Variants in CACNA1C observed in about 807,000 individuals in gnomAD.
CACNA1C encodes calcium voltage-gated channel subunit alpha1 C.
A neutral mutation model predicts 229.0 loss-of-function variants in CACNA1C; 30 were observed. The observed-to-expected ratio is 0.13, with a 90% CI of 0.10 to 0.18. The LOEUF (loss-of-function observed/expected upper bound fraction) is 0.18. Among genes scored for constraint, CACNA1C ranks in the 10% least tolerant of loss-of-function variants. The probability of loss-of-function intolerance (pLI) is 1.00; values close to 1 mark genes in which losing one functional copy is unlikely to be tolerated. For missense variants in CACNA1C, 1,658 were observed against 2,845.0 expected (o/e 0.58, Z 9.49); for synonymous variants, 1,114 against 1,132.5 (o/e 0.98, Z 0.33).
intron 3 of CACNA1C, among the ~76,000 whole-genome samples, chr12:2,311,152 C>T (rs2095417249): frequency 6.6e-6 from 1 of 152,160 alleles, no homozygotes; most frequent in African/African-American, 2.4e-5. Context: ...TGGGGGAAGC[C>T]AGTGTCACCT....
At chr12:2,554,145 A>T (rs1181199835) in intron 10 of CACNA1C, among the ~76,000 whole-genome samples, 1 of 152,240 alleles carries the variant, frequency 6.6e-6, no homozygotes, top group Non-Finnish European at 1.5e-5. Context: ...AGAAGTTCAA[A>T]TATGTCTCAA....
Position 2,666,825 on chromosome 12 carries a change from G to A in CACNA1C, c.4623+43G>A. 8.5e-7 allele frequency: 1 copy of A among 1,171,356 alleles called. No individual in the cohort carries two copies. Among genetic ancestry groups the A allele is most frequent in the Non-Finnish European group, 1.3e-6 (1 of 799,022 alleles). 72.6% of individuals were successfully genotyped at this position (1,171,356 alleles called of 1,614,324 possible). On this transcript the variant is annotated intron_variant, in intron 37 of 46. Coordinates refer to ENST00000399655, the MANE Select transcript of CACNA1C (RefSeq NM_000719.7). The surrounding 1 kb of genome is among the most constrained non-coding windows in gnomAD (Gnocchi z 5.3). Reference sequence around the variant, plus strand: ...TCATGGGAGGGAGAGGGAAAATAGGGGAAGTGAAGTGCCCATTTCTTGTGA... The same window carrying A: ...TCATGGGAGGGAGAGGGAAAATAGGAGAAGTGAAGTGCCCATTTCTTGTGA...
chr12:2,494,903 C>T (rs149613872), intron 7 of CACNA1C, among the ~76,000 whole-genome samples: 2,712 of 152,262 alleles, frequency 0.018, 75 homozygotes, highest in African/African-American at 0.058. Context: ...AGTGTCCTTG[C>T]CTGCCAGGGG....
In CACNA1C at chr12:2,633,745, C is replaced by T. The variant is rs573795899; in HGVS notation, c.3829-552C>T. ...TTACTCTGCCCTCCCCAGGAAACCT[C>T]CTCATTCCTCCTCCTCTGCCTCGTC... is the stretch of plus-strand genomic sequence containing the variant. On this transcript the variant is annotated intron_variant, in intron 29 of 46. Coordinates refer to ENST00000399655, the MANE Select transcript of CACNA1C (RefSeq NM_000719.7). The surrounding 1 kb of genome is among the most constrained non-coding windows in gnomAD (Gnocchi z 5.8). 3.8e-6 allele frequency: 4 copies of T among 1,058,808 alleles called. No homozygotes were observed. In the South Asian group the frequency reaches 5.1e-5, roughly 13 times the overall value. 65.6% of individuals were successfully genotyped at this position (1,058,808 alleles called of 1,614,324 possible).
rs1203563941 is a variant in CACNA1C at position 2,108,280 on chromosome 12, G to C, written c.50-6944G>C. On this transcript the variant is annotated intron_variant, in intron 1 of 46. Coordinates refer to ENST00000399655, the MANE Select transcript of CACNA1C (RefSeq NM_000719.7). The surrounding 1 kb of genome is among the most constrained non-coding windows in gnomAD (Gnocchi z 5.3). Reference sequence around the variant, plus strand: ...GAGCAGGCTTTAGGCCGGGTCTGTGGGAATGATTCCCAAAACAGTGCTGCA... The same window carrying C: ...GAGCAGGCTTTAGGCCGGGTCTGTGCGAATGATTCCCAAAACAGTGCTGCA... Among the ~76,000 whole-genome samples the C allele has an allele frequency of 6.6e-6, 1 of 152,216 alleles. No homozygotes were observed. The highest frequency in any genetic ancestry group is 2.4e-5 in the African/African-American group (1 of 41,448).
At chr12:2,172,854 A>C (rs2096537232) in intron 3 of CACNA1C, among the ~76,000 whole-genome samples, 1 of 152,258 alleles carries the variant, frequency 6.6e-6, no homozygotes. Context: ...GAACGGATAT[A>C]GGGTGGGTCC....
In CACNA1C at chr12:2,608,725, G is replaced by A. The variant is rs1405118240; in HGVS notation, c.3558+13G>A. ...GGACAAGAACCAGGTAGCTTCCTAG[G>A]AAGGAGCGGAGGGAAGCGGGGCCCA... On this transcript the variant is annotated intron_variant, in intron 27 of 46. Coordinates refer to ENST00000399655, the MANE Select transcript of CACNA1C (RefSeq NM_000719.7). The surrounding 1 kb of genome is among the most constrained non-coding windows in gnomAD (Gnocchi z 4.2). The A allele has an allele frequency of 2.5e-6, 4 of 1,613,288 alleles. No individual in the cohort carries two copies. Among genetic ancestry groups the A allele is most frequent in the Non-Finnish European group, 3.4e-6 (4 of 1,179,650 alleles).
At chr12:2,611,220 G>A (rs2077557439) in intron 28 of CACNA1C, among the ~76,000 whole-genome samples, 1 of 136,158 alleles carries the variant, frequency 7.3e-6, no homozygotes, top group Non-Finnish European at 1.6e-5. Flanking sequence ...TTCCTTGTTG[G>A]TTGATCAATG....
chr12:2,419,419 G>A (rs541555540), intron 3 of CACNA1C, among the ~76,000 whole-genome samples: 7 of 152,170 alleles, frequency 4.6e-5, no homozygotes, highest in East Asian at 3.9e-4. Context: ...CCACCGCCAC[G>A]GCCTGAACAC....
rs2097853395 is a variant in CACNA1C, at chr12:2,697,858, G to C, written c.*6659G>C. On this transcript the variant is annotated 3_prime_UTR_variant, in exon 47 of 47. Transcript: ENST00000399655. ...GAGACACTATTGTATATTCCTGTAA[G>C]ATTGCATTTTTATCTAAGGAATGAT... 6.6e-6 allele frequency: 1 copy of C among 152,640 alleles called. No individual in the cohort carries two copies. The highest frequency in any genetic ancestry group is 6.5e-5 in the Admixed American group (1 of 15,286). 9.5% of individuals were successfully genotyped at this position (152,640 alleles called of 1,614,324 possible).
intron 9 of CACNA1C, among the ~76,000 whole-genome samples, chr12:2,531,289 C>A (rs1046711143): frequency 6.6e-5 from 10 of 152,102 alleles, no homozygotes; most frequent in Middle Eastern, 3.2e-3. Flanking sequence ...CACATGGTAA[C>A]CCCCCAGAAT....
chr12:2,472,080 A>G (rs1287932931), intron 5 of CACNA1C, among the ~76,000 whole-genome samples: 4 of 152,216 alleles, frequency 2.6e-5, no homozygotes, highest in Middle Eastern at 3.2e-3. Context: ...TATGATGTGC[A>G]TCATTATTAT....
intron 3 of CACNA1C, among the ~76,000 whole-genome samples, chr12:2,195,018 A>G (rs1171271007): frequency 6.6e-6 from 1 of 152,226 alleles, no homozygotes; most frequent in African/African-American, 2.4e-5. Context: ...AAAATAGGGA[A>G]TGTATTCTAA....
intron 9 of CACNA1C, among the ~76,000 whole-genome samples, chr12:2,525,781 C>T (rs1300244107): frequency 1.3e-5 from 2 of 152,180 alleles, no homozygotes; most frequent in African/African-American, 2.4e-5. Flanking sequence ...GTGACAGCTG[C>T]AGTGTTTCCA....
intron 3 of CACNA1C, among the ~76,000 whole-genome samples, chr12:2,368,261 C>A (rs2097770834): frequency 6.6e-6 from 1 of 152,156 alleles, no homozygotes; most frequent in Non-Finnish European, 1.5e-5. Context: ...AAGAAAGGAA[C>A]GTGCACTAGA....
chr12:2,283,746 G>A (rs2092043089), intron 3 of CACNA1C, among the ~76,000 whole-genome samples: 1 of 152,216 alleles, frequency 6.6e-6, no homozygotes, highest in Non-Finnish European at 1.5e-5. Flanking sequence ...AGCTCCCAGA[G>A]GATGCTGCCG....
Position 2,664,941 on chromosome 12 carries a change from G to A in CACNA1C, c.4349G>A (p.Ser1450Asn), listed in dbSNP as rs1009822245. Residue 1450 changes from serine (S) to asparagine (N), a missense_variant, in exon 35 of 47, where the codon AGC (serine) becomes AAC (asparagine). Physicochemically the swap from Ser to Asn is conservative, Grantham distance 46. Around this residue, in one of 20 missense-constraint regions of CACNA1C, gnomAD observed 151 missense variants for 344.4 expected, o/e 0.44. Coordinates refer to ENST00000399655, the MANE Select transcript of CACNA1C (RefSeq NM_000719.7). ...STEGETPCGSSFAVFYFISFY... is the reference protein window; with the variant it reads ...STEGETPCGSNFAVFYFISFY... Reference sequence around the variant, plus strand: ...GAGGGTGAAACACCCTGTGGTAGCAGCTTTGCTGTCTTCTACTTCATCAGC... The same window carrying A: ...GAGGGTGAAACACCCTGTGGTAGCAACTTTGCTGTCTTCTACTTCATCAGC... 6.2e-7 allele frequency: 1 copy of A among 1,614,188 alleles called. No individual in the cohort carries two copies. The highest frequency in any genetic ancestry group is 1.3e-5 in the African/African-American group (1 of 75,072).
chr12:2,200,638 G>A (rs889383925), intron 3 of CACNA1C, among the ~76,000 whole-genome samples: 1 of 152,226 alleles, frequency 6.6e-6, no homozygotes, highest in Non-Finnish European at 1.5e-5. Flanking sequence ...CAGGAACCGG[G>A]ATAGATACAC....
chr12:2,331,090 C>A (rs557889850), intron 3 of CACNA1C, among the ~76,000 whole-genome samples: 1 of 151,980 alleles, frequency 6.6e-6, no homozygotes, highest in Non-Finnish European at 1.5e-5. Flanking sequence ...TAAAGAAATG[C>A]GAAGACTCTG....
Sources: allele counts gnomAD v4.1 joint callset (sites outside exome capture counted in the v4.1 genomes callset), GRCh38; gene constraint gnomAD v4.1.1; regional missense constraint gnomAD v4.1.1; non-coding constraint Gnocchi (gnomAD v3.1); transcripts MANE v1.5; gene names NCBI Gene and HGNC (gene_info 2026-07-23, HGNC 2026-07-21).